The following CLVS1 variants were observed in gnomAD, a reference collection of about 807,000 sequenced individuals.
The protein encoded by CLVS1 is clavesin-1.
In CLVS1, 10 loss-of-function variants were observed where a neutral mutation model predicts 33.1. That is an observed-to-expected ratio of 0.30 (90% confidence interval 0.19 to 0.51). CLVS1 has a LOEUF of 0.51. Ranked by LOEUF, CLVS1 falls within the 20% of genes least tolerant of loss-of-function variation. The pLI is 0.97. For synonymous variants in CLVS1, 163 were observed against 166.1 expected (o/e 0.98, Z 0.14); for missense variants, 343 against 433.4 (o/e 0.79, Z 1.85).
the CLVS1 span, among the ~76,000 whole-genome samples, chr8:61,003,565 T>C: frequency 1.3e-5 from 2 of 152,150 alleles, no homozygotes; most frequent in Non-Finnish European, 2.9e-5. Flanking sequence ...AGTCACAGAA[T>C]TTGATGGTTT....
chr8:61,027,516 A>G, the CLVS1 span, among the ~76,000 whole-genome samples: 3 of 152,094 alleles, frequency 2.0e-5, no homozygotes, highest in Admixed American at 2.0e-4. Flanking sequence ...CTTGGGGTTC[A>G]TATCTCAAGA....
intron 2 of CLVS1, among the ~76,000 whole-genome samples, chr8:61,360,940 G>A (rs543236536): frequency 2.0e-4 from 30 of 152,064 alleles, no homozygotes; most frequent in African/African-American, 6.5e-4. Context: ...AGTTCTGCAG[G>A]CTGTACAGGA....
In CLVS1 at chr8:61,202,530, T is replaced by G. The variant is rs1807755794; in HGVS notation, c.-152+70670T>G. 5 of 1,079,502 alleles carry G rather than the reference T, an allele frequency of 4.6e-6. No homozygotes were observed. The Admixed American group carries it at 8.4e-5, about 18-fold the overall frequency. 66.9% of individuals were successfully genotyped at this position (1,079,502 alleles called of 1,614,324 possible). A position where few individuals can be genotyped will look rare whatever the true frequency, so the allele number is the denominator to read the frequency against. ...GTGCAAAGGATGAATTGCACATTGT[T>G]GAAGCAGAGGCAATGAATTACGAAG... On this transcript the variant is annotated intron_variant, in intron 2 of 2. Transcript: ENST00000522621.
intron 2 of CLVS1, among the ~76,000 whole-genome samples, chr8:61,329,177 T>C (rs1811495851): frequency 6.6e-6 from 1 of 151,656 alleles, no homozygotes; most frequent in African/African-American, 2.4e-5. Context: ...CTTTAGAGAG[T>C]AGGCAGCATC....
intron 2 of CLVS1, among the ~76,000 whole-genome samples, chr8:61,368,355 G>T (rs975213017): frequency 1.3e-5 from 2 of 152,242 alleles, no homozygotes; most frequent in African/African-American, 2.4e-5. Context: ...GGATAGGCCT[G>T]CCAGGAGTGG....
chr8:61,178,685 C>T (rs751850222), intron 2 of CLVS1, among the ~76,000 whole-genome samples: 6 of 152,112 alleles, frequency 3.9e-5, no homozygotes, highest in Admixed American at 6.5e-5. Context: ...AGAGTGAGGG[C>T]CAATATTCAA....
In CLVS1 at chr8:61,104,510, G is replaced by T. The variant is rs115789556; in HGVS notation, c.-242-27260G>T. The stretch of plus-strand genomic sequence containing the variant: ...ACCCAAGTTATGAAAGATGTATATT[G>T]TTATATCTTAATGCTTGATTAGTTT... On this transcript the variant is annotated intron_variant, in intron 1 of 2. Coordinates refer to the CLVS1 transcript ENST00000522621. 2.7e-3 allele frequency among the ~76,000 whole-genome samples: 407 copies of T among 152,236 alleles called. 1 individual carries two copies. Among genetic ancestry groups the T allele is most frequent in the African/African-American group, 9.5e-3 (396 of 41,528 alleles).
intron 1 of CLVS1, among the ~76,000 whole-genome samples, chr8:61,064,318 C>T (rs187494200): frequency 5.3e-5 from 8 of 152,308 alleles, no homozygotes; most frequent in Admixed American, 3.9e-4. Flanking sequence ...ACAGACGCTG[C>T]ACCATTTTAT....
intron 1 of CLVS1, among the ~76,000 whole-genome samples, chr8:61,072,841 A>G (rs1804823760): frequency 6.6e-6 from 1 of 152,274 alleles, no homozygotes; most frequent in South Asian, 2.1e-4. Context: ...TATTGCCTTT[A>G]GGTTAAATAT....
chr8:61,458,538 A>T lies in CLVS1; in HGVS notation c.973A>T (p.Lys325Ter). The T allele has an allele frequency of 6.2e-7, 1 of 1,601,672 alleles. No homozygotes were observed. The highest frequency in any genetic ancestry group is 8.5e-7 in the Non-Finnish European group (1 of 1,173,562). The change falls in exon 5 of 6, where the codon AAA becomes TAA. Residue 325 changes from lysine (K) to a stop codon, truncating the protein, a stop_gained. Transcript: ENST00000325897. LOFTEE classifies it high-confidence loss of function. ...LERECSPKLMKRSQSVVEAGT... is the reference protein window; with the variant it reads ...LERECSPKLM ...GAGAGAATGCTCACCCAAGCTGATGAAAAGGTAAGGCCTGGGTTATCAGAG... is the reference window on the plus strand; with the variant it reads ...GAGAGAATGCTCACCCAAGCTGATGTAAAGGTAAGGCCTGGGTTATCAGAG...
intron 3 of CLVS1, among the ~76,000 whole-genome samples, chr8:61,396,733 C>T (rs1293416038): frequency 1.3e-5 from 2 of 152,190 alleles, no homozygotes; most frequent in South Asian, 2.1e-4. Flanking sequence ...CACTAGTCTA[C>T]TTTCTGTTTC....
At chr8:60,982,310 G>T in the CLVS1 span, among the ~76,000 whole-genome samples, 1 of 152,224 alleles carries the variant, frequency 6.6e-6, no homozygotes, top group Non-Finnish European at 1.5e-5. Context: ...GTGGTCACTG[G>T]TGTGGTACGT....
chr8:61,243,414 G>A (rs1341773373), intron 2 of CLVS1, among the ~76,000 whole-genome samples: 2 of 152,162 alleles, frequency 1.3e-5, no homozygotes, highest in African/African-American at 4.8e-5. Context: ...CTTTACAGGA[G>A]TCCCTCCTCA....
At chr8:61,423,715 T>C (rs1480344693) in intron 3 of CLVS1, among the ~76,000 whole-genome samples, 1 of 152,158 alleles carries the variant, frequency 6.6e-6, no homozygotes, top group Non-Finnish European at 1.5e-5. Context: ...GGCATATGGG[T>C]ACTGCCCACA....
rs972846934 is a variant in CLVS1, at chr8:61,410,081, T to G, written c.630+33302T>G. 4.6e-5 allele frequency among the ~76,000 whole-genome samples: 7 copies of G among 150,750 alleles called. No individual in the cohort carries two copies. The South Asian group carries it at 1.5e-3, about 31-fold the overall frequency. ...ACTTGCAGAGGTTTTTTTTTTTTTT[T>G]TTTTCTTTGTTTTTGCTAGGTAAAA... On this transcript the variant is annotated intron_variant, in intron 3 of 5. Transcript: ENST00000325897.
At chr8:61,170,839 T>C (rs1057472020) in intron 2 of CLVS1, among the ~76,000 whole-genome samples, 8 of 152,166 alleles carry the variant, frequency 5.3e-5, no homozygotes, top group African/African-American at 1.9e-4. Flanking sequence ...TAAATAAATA[T>C]ACACACAAGA....
At chr8:61,063,392 G>A (rs1401040218) in intron 1 of CLVS1, among the ~76,000 whole-genome samples, 1 of 152,112 alleles carries the variant, frequency 6.6e-6, no homozygotes, top group East Asian at 1.9e-4. Flanking sequence ...TGAGGTGCAT[G>A]AGAAGGTATT....
the CLVS1 span, among the ~76,000 whole-genome samples, chr8:61,010,542 T>C: frequency 6.6e-6 from 1 of 152,260 alleles, no homozygotes; most frequent in South Asian, 2.1e-4. Flanking sequence ...CCTGGACCAA[T>C]TGACCTAGAG....
At chr8:61,218,867 C>T (rs1808149329) in intron 2 of CLVS1, among the ~76,000 whole-genome samples, 1 of 151,862 alleles carries the variant, frequency 6.6e-6, no homozygotes, top group Admixed American at 6.6e-5. Context: ...CCGCTTGAAC[C>T]CGGGAGGTGG....
Sources: allele counts gnomAD v4.1 joint callset (sites outside exome capture counted in the v4.1 genomes callset), GRCh38; gene constraint gnomAD v4.1.1; transcripts MANE v1.5; gene names NCBI Gene and HGNC (gene_info 2026-07-23, HGNC 2026-07-21).